The following CRYM variants were observed in gnomAD, a reference collection of about 807,000 sequenced individuals.
CRYM encodes crystallin mu.
In CRYM, 18 loss-of-function variants were observed where a neutral mutation model predicts 32.9. The observed-to-expected ratio is 0.55, with a 90% CI of 0.38 to 0.81. CRYM has a LOEUF of 0.81. Among genes scored for constraint, CRYM ranks in the 30% least tolerant of loss-of-function variants. The pLI is 0.00. For missense variants in CRYM, 337 were observed against 393.5 expected (o/e 0.86, Z 1.21); for synonymous variants, 153 against 152.4 (o/e 1.00, Z -0.03).
At chr16:21,284,121 C>T (rs757705236) in intron 1 of CRYM, 1 of 151,544 alleles carries the variant, frequency 6.6e-6, no homozygotes, top group Non-Finnish European at 1.5e-5. Context: ...CCCATAGGGA[C>T]TTAGGGTTGA....
chr16:21,271,904 G>A (rs949607689), intron 3 of CRYM, among the ~76,000 whole-genome samples: 1 of 151,914 alleles, frequency 6.6e-6, no homozygotes, highest in Non-Finnish European at 1.5e-5. Flanking sequence ...TGTCGCCCAG[G>A]CTGGAATGCA....
At chr16:21,285,143 T>A (rs2093405390) in intron 1 of CRYM, among the ~76,000 whole-genome samples, 1 of 152,228 alleles carries the variant, frequency 6.6e-6, no homozygotes, top group Non-Finnish European at 1.5e-5. Flanking sequence ...TTGAATTGTT[T>A]CAGTTCCTTG....
upstream of CRYM, among the ~76,000 whole-genome samples, chr16:21,282,198 A>G (rs1000423976): frequency 6.6e-6 from 1 of 152,182 alleles, no homozygotes; most frequent in South Asian, 2.1e-4. Context: ...CCTCCATGTA[A>G]GATGTGACTT....
chr16:21,279,370 C>G (rs1285865393), upstream of CRYM, among the ~76,000 whole-genome samples: 9 of 152,138 alleles, frequency 5.9e-5, no homozygotes, highest in African/African-American at 2.2e-4. Context: ...GGTTGGACTT[C>G]AGAATTATAT....
At chr16:21,288,565 A>G (rs906027143) in intron 1 of CRYM, among the ~76,000 whole-genome samples, 4 of 152,050 alleles carry the variant, frequency 2.6e-5, no homozygotes, top group Non-Finnish European at 5.9e-5. Flanking sequence ...TGATTCTTTA[A>G]AGGGATTGTA....
intron 5 of CRYM, 113 bp downstream of exon 5, chr16:21,267,427 TTCAAGGCCCTTAAA>T: frequency 1.0e-6 from 1 of 1,002,318 alleles, no homozygotes; most frequent in Non-Finnish European, 1.5e-6. Context: ...CTCACATGTT[TTCAAGGCCCTTAAA>T]TAGCTTGGGC....
At chr16:21,267,416 T>C (rs1466251921) in intron 5 of CRYM, 138 bp downstream of exon 5, 1 of 914,514 alleles carries the variant, frequency 1.1e-6, no homozygotes, top group Non-Finnish European at 1.7e-6. Context: ...TTTTTTTCAA[T>C]CTCACATGTT....
chr16:21,297,720 A>G (rs1960817654), intron 1 of CRYM, among the ~76,000 whole-genome samples: 1 of 152,234 alleles, frequency 6.6e-6, no homozygotes. Context: ...GTATGTAGAT[A>G]TGTGTATTTC....
chr16:21,271,840 G>A (rs893773397), intron 3 of CRYM, among the ~76,000 whole-genome samples: 5 of 151,900 alleles, frequency 3.3e-5, no homozygotes, highest in African/African-American at 1.2e-4. Context: ...CCTGGTAATA[G>A]TGTGATAATT....
chr16:21,263,027 A>G lies in CRYM; in HGVS notation c.674-869T>C, dbSNP rs9929642. 8.5e-3 allele frequency among the ~76,000 whole-genome samples: 1,288 copies of G among 152,164 alleles called. 21 individuals are homozygous for G. Among genetic ancestry groups the G allele is most frequent in the African/African-American group, 0.029 (1,221 of 41,530 alleles). Reference sequence around the variant, plus strand: ...TCATTCCCATTCCTCACCCTCAACCAGTTCTTTTAATATCTATTTTTTTCT... The same window carrying G: ...TCATTCCCATTCCTCACCCTCAACCGGTTCTTTTAATATCTATTTTTTTCT... On this transcript the variant is annotated intron_variant, in intron 5 of 7. Transcript: ENST00000572914.
intron 1 of CRYM, among the ~76,000 whole-genome samples, chr16:21,290,923 G>A (rs946929071): frequency 6.6e-6 from 1 of 152,046 alleles, no homozygotes; most frequent in African/African-American, 2.4e-5. Flanking sequence ...TTTCTTGTTC[G>A]CATGAGATGA....
intron 2 of CRYM, among the ~76,000 whole-genome samples, chr16:21,276,127 G>C (rs536886781): frequency 3.3e-5 from 5 of 152,166 alleles, no homozygotes; most frequent in South Asian, 2.1e-4. Flanking sequence ...AGGTGATTCC[G>C]ATACACAGCG....
Position 21,277,317 on chromosome 16 carries a change from G to T in CRYM, c.324+114C>A. On this transcript the variant is annotated intron_variant, in intron 2 of 7. Coordinates refer to ENST00000572914, the MANE Select transcript of CRYM (RefSeq NM_001376256.1). The surrounding 1 kb of genome is among the most constrained non-coding windows in gnomAD (Gnocchi z 4.2). Reference sequence around the variant, plus strand: ...CACTGTTGCTGGTATCCAGTCACTTGCAGAGGGGCACGCGTAGTCACAATC... The same window carrying T: ...CACTGTTGCTGGTATCCAGTCACTTTCAGAGGGGCACGCGTAGTCACAATC... The T allele has an allele frequency of 1.8e-6, 2 of 1,103,004 alleles. No homozygotes were observed. Among genetic ancestry groups the T allele is most frequent in the Non-Finnish European group, 2.7e-6 (2 of 752,502 alleles). 68.3% of individuals were successfully genotyped at this position (1,103,004 alleles called of 1,614,324 possible).
intron 3 of CRYM, among the ~76,000 whole-genome samples, chr16:21,274,669 G>C (rs1198737436): frequency 1.3e-5 from 2 of 151,920 alleles, no homozygotes; most frequent in African/African-American, 4.8e-5. Context: ...GCAGTGGCTC[G>C]ATCTGGGCTC....
At chr16:21,291,145 T>C (rs955857656) in intron 1 of CRYM, among the ~76,000 whole-genome samples, 1 of 152,228 alleles carries the variant, frequency 6.6e-6, no homozygotes, top group African/African-American at 2.4e-5. Context: ...TCATTTCATA[T>C]AAAGCATGCT....
At chr16:21,299,735 A>C (rs1490787839) in intron 1 of CRYM, among the ~76,000 whole-genome samples, 1 of 152,234 alleles carries the variant, frequency 6.6e-6, no homozygotes, top group Non-Finnish European at 1.5e-5. Context: ...AATCTGCCGA[A>C]ACCATTAACT....
chr16:21,267,570 T>C lies in CRYM; in HGVS notation c.657A>G (p.Pro219=). The change falls in exon 5 of 8, where the codon CCA becomes CCG. Residue 219 remains proline (P), a synonymous_variant. Coordinates refer to ENST00000572914, the MANE Select transcript of CRYM (RefSeq NM_001376256.1). ...TCTACTTACCATTGATGTGAGCCCCTGGCTTCACCCATTCACCAAACAAAA... is the reference window on the plus strand; with the variant it reads ...TCTACTTACCATTGATGTGAGCCCCCGGCTTCACCCATTCACCAAACAAAA... The part of the protein sequence containing the change: ...EPILFGEWVK[P]GAHINAVGAS... 1.2e-6 allele frequency: 2 copies of C among 1,613,946 alleles called. No individual in the cohort carries two copies. The highest frequency in any genetic ancestry group is 8.5e-7 in the Non-Finnish European group (1 of 1,180,018).
chr16:21,297,331 T>C (rs1316119649), intron 1 of CRYM, among the ~76,000 whole-genome samples: 1 of 152,010 alleles, frequency 6.6e-6, no homozygotes, highest in East Asian at 1.9e-4. Flanking sequence ...AGGCAGAGGT[T>C]ACAGAGAACT....
At position 21,296,781 on chromosome 16, in the gene CRYM, C is replaced by T. The variant is rs537958991; in HGVS notation, c.-193+6197G>A. Among the ~76,000 whole-genome samples, 7 of 152,108 alleles carry T rather than the reference C, an allele frequency of 4.6e-5. No homozygotes were observed. The East Asian group carries it at 5.8e-4, about 13-fold the overall frequency. On this transcript the variant is annotated intron_variant, in intron 1 of 9. Transcript: ENST00000219599. ...ATCCCAGCACTTTGGGAGGCTGAGG[C>T]GGGCGGATCATGAGGTCAGGAGATC...
Sources: allele counts gnomAD v4.1 joint callset (sites outside exome capture counted in the v4.1 genomes callset), GRCh38; gene constraint gnomAD v4.1.1; non-coding constraint Gnocchi (gnomAD v3.1); transcripts MANE v1.5; gene names NCBI Gene and HGNC (gene_info 2026-07-23, HGNC 2026-07-21).